GRID2: variants seen among roughly 807,000 people sequenced by gnomAD.
GRID2 encodes the protein glutamate ionotropic receptor delta type subunit 2, also known as glutamate receptor ionotropic, delta-2.
Under a neutral mutation model 114.8 loss-of-function variants are expected in GRID2, and 33 were observed. The ratio of observed to expected loss-of-function variants is 0.29; its 90% CI spans 0.22 to 0.38. GRID2 has a LOEUF of 0.38. Ranked by LOEUF, GRID2 falls within the 10% of genes least tolerant of loss-of-function variation. GRID2 has a pLI of 1.00. For synonymous variants in GRID2, 505 were observed against 449.9 expected (o/e 1.12, Z -1.55); for missense variants, 1,184 against 1,257.7 (o/e 0.94, Z 0.89).
Position 92,938,571 on chromosome 4 carries a change from T to C in GRID2, c.245-146424T>C, listed in dbSNP as rs1319394723. Among the ~76,000 whole-genome samples the C allele has an allele frequency of 2.1e-5, 3 of 145,594 alleles. 1 individual carries two copies. Among genetic ancestry groups the C allele is most frequent in the Non-Finnish European group, 3.0e-5 (2 of 65,592 alleles). On this transcript the variant is annotated intron_variant, in intron 2 of 15. Coordinates refer to ENST00000282020, the MANE Select transcript of GRID2 (RefSeq NM_001510.4). ...GGAGGATTAATGTCAATATTTCTTT[T>C]TTTTTATTATACTTTAAGTTTTAGG... is the stretch of plus-strand genomic sequence containing the variant.
At chr4:93,217,450 T>A (rs1228477786) in intron 6 of GRID2, among the ~76,000 whole-genome samples, 1 of 152,088 alleles carries the variant, frequency 6.6e-6, no homozygotes, top group Non-Finnish European at 1.5e-5. Context: ...AAATAAAACC[T>A]CTGAACAGCG....
At chr4:92,621,346 T>C (rs1375657642) in intron 2 of GRID2, among the ~76,000 whole-genome samples, 4 of 151,810 alleles carry the variant, frequency 2.6e-5, no homozygotes, top group Admixed American at 2.0e-4. Flanking sequence ...AAGATAAACA[T>C]ATGAGAGAAG....
chr4:93,298,205 C>T (rs916306761), intron 8 of GRID2, among the ~76,000 whole-genome samples: 1 of 152,166 alleles, frequency 6.6e-6, no homozygotes, highest in Non-Finnish European at 1.5e-5. Flanking sequence ...CTTGATGTCT[C>T]CTTCTTCCTC....
At chr4:93,123,274 T>A (rs566259325) in intron 4 of GRID2, among the ~76,000 whole-genome samples, 1 of 152,260 alleles carries the variant, frequency 6.6e-6, no homozygotes, top group East Asian at 1.9e-4. Flanking sequence ...AATAAGTCAA[T>A]CATTTTTATT....
chr4:93,065,453 C>T (rs992636259), intron 2 of GRID2, among the ~76,000 whole-genome samples: 2 of 151,812 alleles, frequency 1.3e-5, no homozygotes, highest in African/African-American at 4.8e-5. Context: ...ATGGAAAAGC[C>T]AAAAGAAGTG....
At chr4:92,885,100 T>A in intron 2 of GRID2, 1 of 319,408 alleles carries the variant, frequency 3.1e-6, no homozygotes, top group South Asian at 3.0e-5. Flanking sequence ...ATAAAAAAAC[T>A]GTTAAAATTT....
intron 1 of GRID2, among the ~76,000 whole-genome samples, chr4:92,426,706 T>C (rs1732175238): frequency 6.6e-6 from 1 of 152,166 alleles, no homozygotes; most frequent in African/African-American, 2.4e-5. Context: ...GTTTATTATA[T>C]ATTATGTGAA....
At chr4:93,294,206 AC>A (rs1405750611) in intron 8 of GRID2, among the ~76,000 whole-genome samples, 1 of 70,032 alleles carries the variant, frequency 1.4e-5, no homozygotes, top group Non-Finnish European at 2.6e-5. Flanking sequence ...TGTTTGCTCC[AC>A]AAAAAAACGA....
chr4:93,243,417 G>T (rs545903890), intron 8 of GRID2, among the ~76,000 whole-genome samples: 3 of 151,980 alleles, frequency 2.0e-5, no homozygotes, highest in African/African-American at 7.2e-5. Flanking sequence ...CAAAATGAAG[G>T]TTCCACTCCC....
chr4:92,698,415 G>T (rs548968295), intron 2 of GRID2, among the ~76,000 whole-genome samples: 1 of 151,954 alleles, frequency 6.6e-6, no homozygotes, highest in South Asian at 2.1e-4. Flanking sequence ...GATGTTACCT[G>T]TTTCAGTCAC....
At chr4:93,570,894 G>T in intron 13 of GRID2, among the ~76,000 whole-genome samples, 1 of 152,188 alleles carries the variant, frequency 6.6e-6, no homozygotes, top group Non-Finnish European at 1.5e-5. Context: ...TCTTCATATG[G>T]ATTTACAAAA....
chr4:92,582,980 CTG>C (rs1486665476), intron 1 of GRID2, among the ~76,000 whole-genome samples: 1 of 151,998 alleles, frequency 6.6e-6, no homozygotes, highest in East Asian at 1.9e-4. Flanking sequence ...GAGAAAGACT[CTG>C]TCTCTCTCTA....
At chr4:93,554,427 A>G (rs971755760) in intron 13 of GRID2, among the ~76,000 whole-genome samples, 1 of 134,646 alleles carries the variant, frequency 7.4e-6, no homozygotes, top group East Asian at 1.9e-4. Context: ...TTTTCTGCAC[A>G]TAAATTTTTT....
At chr4:92,398,377 T>G (rs540492812) in intron 1 of GRID2, among the ~76,000 whole-genome samples, 5 of 152,284 alleles carry the variant, frequency 3.3e-5, no homozygotes, top group Non-Finnish European at 7.4e-5. Flanking sequence ...CACGGCTCAT[T>G]GCAGCCTTGA....
At chr4:93,603,198 A>G (rs1273898302) in intron 13 of GRID2, among the ~76,000 whole-genome samples, 1 of 152,168 alleles carries the variant, frequency 6.6e-6, no homozygotes, top group Non-Finnish European at 1.5e-5. Flanking sequence ...GGACAAAAGC[A>G]AGACTTCATC....
At chr4:93,402,362 G>T (rs902729528) in intron 9 of GRID2, among the ~76,000 whole-genome samples, 1 of 152,106 alleles carries the variant, frequency 6.6e-6, no homozygotes, top group East Asian at 1.9e-4. Flanking sequence ...ATCACAAAGG[G>T]TTACTACTAT....
At chr4:93,421,315 A>T (rs906556107) in intron 9 of GRID2, among the ~76,000 whole-genome samples, 1 of 152,178 alleles carries the variant, frequency 6.6e-6, no homozygotes, top group African/African-American at 2.4e-5. Context: ...TTTATTCTCC[A>T]TAGTGGTAAA....
intron 2 of GRID2, among the ~76,000 whole-genome samples, chr4:92,645,247 T>C (rs1731550989): frequency 1.3e-5 from 2 of 151,740 alleles, no homozygotes; most frequent in African/African-American, 2.4e-5. Flanking sequence ...TCTTTTTCCT[T>C]GGAATGTGTT....
At chr4:92,611,870 A>G (rs1729762282) in intron 2 of GRID2, among the ~76,000 whole-genome samples, 1 of 151,314 alleles carries the variant, frequency 6.6e-6, no homozygotes, top group African/African-American at 2.4e-5. Context: ...ATTTTGAAGT[A>G]TTCCTTTATA....
Sources: allele counts gnomAD v4.1 joint callset (sites outside exome capture counted in the v4.1 genomes callset), GRCh38; gene constraint gnomAD v4.1.1; transcripts MANE v1.5; gene names NCBI Gene and HGNC (gene_info 2026-07-23, HGNC 2026-07-21).